CHRNA4: variants seen among roughly 807,000 people sequenced by gnomAD.
The protein encoded by CHRNA4 is cholinergic receptor nicotinic alpha 4 subunit, also known as neuronal acetylcholine receptor subunit alpha-4.
CHRNA4 carries 28 observed loss-of-function variants against 48.9 expected under a neutral mutation model. The observed-to-expected ratio is 0.57, with a 90% CI of 0.42 to 0.79. The LOEUF (loss-of-function observed/expected upper bound fraction) is 0.79. CHRNA4 is among the 30% of genes least tolerant of loss of function. The pLI is 0.00. For missense variants in CHRNA4, 859 were observed against 898.4 expected (o/e 0.96, Z 0.56); for synonymous variants, 425 against 402.3 (o/e 1.06, Z -0.68).
chr20:63,346,870 G>A lies in CHRNA4; in HGVS notation c.1759-7C>T, dbSNP rs2068504832. On this transcript the variant is annotated splice_polypyrimidine_tract_variant and splice_region_variant and intron_variant, in intron 5 of 5. Transcript: ENST00000370263. ...ACTTCCAGTCCTCCTTCACCTGCAA[G>A]CACAGACGCCGTCACTCCAGCACGG... 4.3e-6 allele frequency: 7 copies of A among 1,612,182 alleles called. No individual in the cohort carries two copies. Among genetic ancestry groups the A allele is most frequent in the Non-Finnish European group, 5.9e-6 (7 of 1,179,594 alleles).
chr20:63,346,487 A>G lies in CHRNA4; in HGVS notation c.*251T>C. On this transcript the variant is annotated 3_prime_UTR_variant, in exon 6 of 6. Transcript: ENST00000370263. The stretch of plus-strand genomic sequence containing the variant: ...CGAGTCCTGCAGGTAGAAGGCGCCG[A>G]CCCCCACCTCTGCTCCAAGCCACTG... The G allele has an allele frequency of 1.5e-6, 1 of 666,016 alleles. No individual in the cohort carries two copies. Among genetic ancestry groups the G allele is most frequent in the African/African-American group, 1.8e-5 (1 of 56,190 alleles). The allele number at this position is 666,016 out of a possible 1,614,324, so 41.3% of individuals were successfully genotyped here.
At position 63,361,312 on chromosome 20, in the gene CHRNA4, T is replaced by G; in HGVS notation, c.-147A>C. The G allele has an allele frequency of 8.5e-7, 1 of 1,183,006 alleles. No homozygotes were observed. The highest frequency in any genetic ancestry group is 1.0e-6 in the Non-Finnish European group (1 of 965,088). The allele number at this position is 1,183,006 out of a possible 1,614,324, so 73.3% of individuals were successfully genotyped here. On this transcript the variant is annotated 5_prime_UTR_variant, in exon 1 of 6. Coordinates refer to ENST00000370263, the MANE Select transcript of CHRNA4 (RefSeq NM_000744.7). ...GTTCGTCTTCTCCTGTGGGGCGCGG[T>G]GCGGCGGCGGCGCGGCAGGGAGCGC...
intron 5 of CHRNA4, among the ~76,000 whole-genome samples, chr20:63,347,954 AT>A (rs577364945): frequency 6.1e-4 from 93 of 152,340 alleles, no homozygotes; most frequent in Middle Eastern, 3.4e-3. Flanking sequence ...TCACTTATAA[AT>A]AAAGTCCTGC....
rs202235637 is a variant in CHRNA4 at position 63,349,644 on chromosome 20, G to A, written c.1758+9C>T. On this transcript the variant is annotated intron_variant, in intron 5 of 5. Transcript: ENST00000370263. ...AGAGGCGCCCAACACAGCCATGGGC[G>A]GGACTTACCGAGAAGTCTGTGTCTT... 2.9e-5 allele frequency: 46 copies of A among 1,612,624 alleles called. No homozygotes were observed. The African/African-American group carries it at 3.7e-4, about 13-fold the overall frequency.
chr20:63,354,645 G>A, intron 4 of CHRNA4: 3 of 561,670 alleles, frequency 5.3e-6, no homozygotes, highest in Non-Finnish European at 6.7e-6. Context: ...CACAGTGGGG[G>A]CTGTGGTCCT....
chr20:63,358,998 A>G (rs1184690352), intron 2 of CHRNA4, among the ~76,000 whole-genome samples: 1 of 151,824 alleles, frequency 6.6e-6, no homozygotes, highest in African/African-American at 2.4e-5. Flanking sequence ...GCCTGGCTGG[A>G]CCAGTAGGCT....
rs1246182430 is a variant in CHRNA4, at chr20:63,346,339, G to A, written c.*399C>T. 6 of 462,470 alleles carry A rather than the reference G, an allele frequency of 1.3e-5. No individual in the cohort carries two copies. The highest frequency in any genetic ancestry group is 1.2e-4 in the Admixed American group (5 of 42,828). The allele number at this position is 462,470 out of a possible 1,614,324, so 28.6% of individuals were successfully genotyped here. A position where few individuals can be genotyped will look rare whatever the true frequency, so the allele number is the denominator to read the frequency against. On this transcript the variant is annotated 3_prime_UTR_variant, in exon 6 of 6. Transcript: ENST00000370263. ...AAGACGGGGCGCTTGGGGCTGAAGGGGCGTGAACTCCCTTCAAGGGCCCCT... is the reference window on the plus strand; with the variant it reads ...AAGACGGGGCGCTTGGGGCTGAAGGAGCGTGAACTCCCTTCAAGGGCCCCT...
chr20:63,359,907 G>GTGTGTGCCGGGCGTGCGC lies in CHRNA4; in HGVS notation c.77-209_77-208insGCGCACGCCCGGCACACA, dbSNP rs1555840820. On this transcript the variant is annotated intron_variant, in intron 1 of 5. Coordinates refer to ENST00000370263, the MANE Select transcript of CHRNA4 (RefSeq NM_000744.7). ...TGTGCCGGGCGTGTGCTGTGTGTGT[G>GTGTGTGCCGGGCGTGCGC]TGTGTGTGTGTGTGTGTGTGTGCCG... The GTGTGTGCCGGGCGTGCGC allele has an allele frequency of 3.1e-3, 1,311 of 428,736 alleles. 24 individuals are homozygous for GTGTGTGCCGGGCGTGCGC. The highest frequency in any genetic ancestry group is 5.0e-3 in the Middle Eastern group (7 of 1,390). The allele number at this position is 428,736 out of a possible 1,614,324, so 26.6% of individuals were successfully genotyped here.
In CHRNA4 at chr20:63,361,146, C is replaced by T. The variant is rs1025632281; in HGVS notation, c.20G>A (p.Gly7Glu). 3 of 1,479,170 alleles carry T rather than the reference C, an allele frequency of 2.0e-6. No homozygotes were observed. The highest frequency in any genetic ancestry group is 2.7e-6 in the Non-Finnish European group (3 of 1,121,140). 91.6% of individuals were successfully genotyped at this position (1,479,170 alleles called of 1,614,324 possible). A position where few individuals can be genotyped will look rare whatever the true frequency, so the allele number is the denominator to read the frequency against. Residue 7 changes from glycine to glutamate, a missense_variant, in exon 1 of 6, where the codon GGA becomes GAA. Around this residue, in one of 3 missense-constraint regions of CHRNA4, gnomAD observed 342 missense variants for 365.3 expected, o/e 0.94. Coordinates refer to ENST00000370263, the MANE Select transcript of CHRNA4 (RefSeq NM_000744.7). ...CAGCGGCGGCAGCAGCCGCGGCGCT[C>T]CGGGGCCCCCTAGCTCCATGGCGCA... is the stretch of plus-strand genomic sequence containing the variant. MELGGPGAPRLLPPLLL... is the reference protein window; with the variant it reads MELGGPEAPRLLPPLLL...
At chr20:63,351,259 T>G in intron 4 of CHRNA4, 1 of 482,138 alleles carries the variant, frequency 2.1e-6, no homozygotes, top group Non-Finnish European at 3.8e-6. Context: ...CACGTCCACG[T>G]CCACACACAG....
rs927241644 is a variant in CHRNA4, at chr20:63,361,109, C to T, written c.57G>A (p.Leu19=). The change falls in exon 1 of 6, where the codon CTG becomes CTA. Residue 19 remains leucine (L), a synonymous_variant. Transcript: ENST00000370263. The part of the protein sequence containing the change: ...PRLLPPLLLL[L]GTGLLRASSH... ...ACTTACCGCGCAGGAGGCCGGTCCCCAGAAGCAGCAGCAGCGGCGGCAGCA... is the reference window on the plus strand; with the variant it reads ...ACTTACCGCGCAGGAGGCCGGTCCCTAGAAGCAGCAGCAGCGGCGGCAGCA... The T allele has an allele frequency of 2.0e-6, 3 of 1,477,644 alleles. No individual in the cohort carries two copies. Among genetic ancestry groups the T allele is most frequent in the Non-Finnish European group, 2.7e-6 (3 of 1,120,254 alleles). 91.5% of individuals were successfully genotyped at this position (1,477,644 alleles called of 1,614,324 possible). A position where few individuals can be genotyped will look rare whatever the true frequency, so the allele number is the denominator to read the frequency against.
chr20:63,359,788 T>C (rs1459641491), intron 1 of CHRNA4, 89 bp from the exon 2 acceptor site: 2 of 1,492,432 alleles, frequency 1.3e-6, no homozygotes, highest in East Asian at 4.9e-5. Flanking sequence ...CCCAGCCCCC[T>C]GCCCAGCACG....
rs765669522 is a variant in CHRNA4, at chr20:63,356,093, G to C, written c.274-9C>G. On this transcript the variant is annotated splice_polypyrimidine_tract_variant and intron_variant, in intron 3 of 5. Coordinates refer to ENST00000370263, the MANE Select transcript of CHRNA4 (RefSeq NM_000744.7). ...TTGTAGTCGTGCCACTCCTGGATGAGGTGGGGCGGGGGGAGGCTGCAGGGT... is the reference window on the plus strand; with the variant it reads ...TTGTAGTCGTGCCACTCCTGGATGACGTGGGGCGGGGGGAGGCTGCAGGGT... 3 of 1,586,434 alleles carry C rather than the reference G, an allele frequency of 1.9e-6. No homozygotes were observed. The highest frequency in any genetic ancestry group is 1.4e-5 in the African/African-American group (1 of 69,238).
At chr20:63,356,265 G>A in intron 3 of CHRNA4, 106 bp downstream of exon 3, 1 of 1,015,336 alleles carries the variant, frequency 9.8e-7, no homozygotes, top group Non-Finnish European at 1.4e-6. Context: ...TGTGAGGGAG[G>A]GCAGGGGTGG....
rs200690355 is a variant in CHRNA4 at position 63,355,968 on chromosome 20, G to A, written c.383+7C>T. 645 of 1,612,112 alleles carry A rather than the reference G, an allele frequency of 4.0e-4. 7 individuals carry two copies. In the South Asian group the frequency reaches 5.9e-3, roughly 15 times the overall value. The stretch of plus-strand genomic sequence containing the variant: ...TGTAGAGGACTCACTTGTTGTAGAG[G>A]ACTCACTTGTTGTAGAGGACGATGT... On this transcript the variant is annotated splice_region_variant and intron_variant, in intron 4 of 5. Transcript: ENST00000370263.
At chr20:63,346,937 C>A (rs45490595) in intron 5 of CHRNA4, 74 bp from the exon 6 acceptor site, 3 of 1,601,234 alleles carry the variant, frequency 1.9e-6, no homozygotes, top group African/African-American at 1.3e-5. Flanking sequence ...GACCCCGGCG[C>A]CGCCGGCAAC....
rs997635811 is a variant in CHRNA4, at chr20:63,343,986, T to C, written c.*2752A>G. The C allele has an allele frequency of 8.8e-6, 4 of 453,950 alleles. No homozygotes were observed. Among genetic ancestry groups the C allele is most frequent in the Non-Finnish European group, 1.8e-5 (4 of 226,798 alleles). The allele number at this position is 453,950 out of a possible 1,614,324, so 28.1% of individuals were successfully genotyped here. ...CATTAACAGATGCAGAAAATAAACA[T>C]GCATAACGGATAGAGTGCCATGCAC... is the stretch of plus-strand genomic sequence containing the variant. On this transcript the variant is annotated 3_prime_UTR_variant, in exon 6 of 6. Transcript: ENST00000370263.
At position 63,350,111 on chromosome 20, in the gene CHRNA4, G is replaced by A. The variant is rs545104411; in HGVS notation, c.1300C>T (p.Pro434Ser). The change falls in exon 5 of 6, where the codon CCC (proline) becomes TCC (serine). Residue 434 changes from proline to serine, a missense_variant. Transcript: ENST00000370263. ...GGGCTGGCTTTCTCAGCTTCCAGGG[G>A]CTGCTGAGGAGGGAGCTGGTCGGAG... ...SPSDQLPPQQ[P>S]LEAEKASPHP... 1 of 1,543,590 alleles carries A rather than the reference G, an allele frequency of 6.5e-7. No individual in the cohort carries two copies. Among genetic ancestry groups the A allele is most frequent in the Non-Finnish European group, 8.8e-7 (1 of 1,142,410 alleles).
At chr20:63,351,060 CCCA>C in intron 4 of CHRNA4, 33 bp from the exon 5 acceptor site, 1 of 1,602,098 alleles carries the variant, frequency 6.2e-7, no homozygotes. Flanking sequence ...GTGTGAGACC[CCCA>C]CATCCATGCC....
Sources: gnomAD v4.1 joint callset for allele counts (sites outside exome capture counted in the v4.1 genomes callset) on GRCh38, gnomAD v4.1.1 for gene constraint, gnomAD v4.1.1 regional missense constraint, MANE v1.5 for transcripts, NCBI Gene and HGNC (gene_info 2026-07-23, HGNC 2026-07-21) for gene names.